BACH2: variants seen among roughly 807,000 people sequenced by gnomAD.
BACH2 encodes the protein BACH transcriptional regulator 2, also known as transcription regulator protein BACH2.
BACH2 carries 5 observed loss-of-function variants against 61.8 expected under a neutral mutation model. The observed-to-expected ratio is 0.08, with a 90% confidence interval of 0.04 to 0.17. BACH2 has a LOEUF of 0.17. Among genes scored for constraint, BACH2 ranks in the 10% least tolerant of loss-of-function variants. The pLI, the probability that BACH2 is intolerant of heterozygous loss-of-function variation, is 1.00. For synonymous variants in BACH2, 446 were observed against 440.1 expected (o/e 1.01, Z -0.17); for missense variants, 824 against 1,091.1 (o/e 0.76, Z 3.45).
intron 4 of BACH2, among the ~76,000 whole-genome samples, chr6:90,204,828 T>C (rs1229108879): frequency 6.6e-6 from 1 of 152,230 alleles, no homozygotes; most frequent in African/African-American, 2.4e-5. Context: ...TACTTTCCAG[T>C]ATTCTAGCAG....
At chr6:90,144,765 T>C (rs77071071) in intron 4 of BACH2, among the ~76,000 whole-genome samples, 11,335 of 152,216 alleles carry the variant, frequency 0.074, 892 homozygotes, top group African/African-American at 0.19. Flanking sequence ...GGAGTTAGGC[T>C]TCCTATTCAC....
At chr6:90,000,826 C>G (rs1301811974) in intron 6 of BACH2, among the ~76,000 whole-genome samples, 1 of 152,188 alleles carries the variant, frequency 6.6e-6, no homozygotes, top group Admixed American at 6.5e-5. Flanking sequence ...TCTGAAAAGT[C>G]AGGGAAAAGT....
rs762366176 is a variant in BACH2, at chr6:89,950,867, C to T, written c.1239G>A (p.Gly413=). 3.1e-6 allele frequency: 5 copies of T among 1,610,830 alleles called. No individual in the cohort carries two copies. Among genetic ancestry groups the T allele is most frequent in the Non-Finnish European group, 4.2e-6 (5 of 1,178,242 alleles). ...SNFTMGSPLR[G]PGLEALCKQE... ...GTTTACAGAGAGCCTCCAACCCAGG[C>T]CCCCTGAGGGGCGACCCCATGGTGA... The change falls in exon 7 of 9, where the codon GGG becomes GGA. Residue 413 remains glycine, a synonymous_variant. Coordinates refer to ENST00000257749, the MANE Select transcript of BACH2 (RefSeq NM_021813.4). This position sits in a 1 kb window ranked among gnomAD's most constrained non-coding sequence, Gnocchi z 5.3.
intron 6 of BACH2, among the ~76,000 whole-genome samples, chr6:89,968,028 G>A (rs1000243305): frequency 4.6e-5 from 7 of 152,144 alleles, no homozygotes; most frequent in Non-Finnish European, 1.0e-4. Flanking sequence ...TCTTGATCCT[G>A]ACTCCTAGCC....
intron 5 of BACH2, among the ~76,000 whole-genome samples, chr6:90,070,713 G>A (rs561402568): frequency 4.6e-5 from 7 of 152,190 alleles, no homozygotes; most frequent in African/African-American, 9.7e-5. Context: ...TCCACTGTGG[G>A]CTAGCTGTAT....
At chr6:90,208,685 C>T (rs947382578) in intron 3 of BACH2, among the ~76,000 whole-genome samples, 3 of 152,188 alleles carry the variant, frequency 2.0e-5, no homozygotes, top group Admixed American at 6.5e-5. Context: ...CCATTTGACT[C>T]AGCAATCCCA....
intron 4 of BACH2, among the ~76,000 whole-genome samples, chr6:90,164,150 C>T (rs1207928075): frequency 1.3e-5 from 2 of 151,910 alleles, no homozygotes; most frequent in Non-Finnish European, 2.9e-5. Context: ...AGATCAACAA[C>T]ATTGATAGAC....
At chr6:90,264,194 C>G (rs146469120) in intron 2 of BACH2, among the ~76,000 whole-genome samples, 1 of 152,088 alleles carries the variant, frequency 6.6e-6, no homozygotes, top group South Asian at 2.1e-4. Flanking sequence ...ACTCTTTTGT[C>G]CTCTGTCTGA....
intron 4 of BACH2, among the ~76,000 whole-genome samples, chr6:90,199,273 C>T (rs1478322662): frequency 6.6e-6 from 1 of 152,124 alleles, no homozygotes; most frequent in Admixed American, 6.5e-5. Context: ...TCTGGTTAGA[C>T]AGAAAGGAGG....
At chr6:89,947,597 G>A (rs988966379) in intron 7 of BACH2, among the ~76,000 whole-genome samples, 5 of 150,468 alleles carry the variant, frequency 3.3e-5, no homozygotes, top group African/African-American at 7.3e-5. Context: ...ACAGAGTCTC[G>A]CTCTGTCACC....
At chr6:89,934,374 A>T (rs1173104245) in intron 8 of BACH2, among the ~76,000 whole-genome samples, 1 of 152,180 alleles carries the variant, frequency 6.6e-6, no homozygotes, top group Non-Finnish European at 1.5e-5. Context: ...ATTTGTGAGA[A>T]GGGGGCTGGG....
At chr6:90,226,745 G>A (rs1769928883) in intron 3 of BACH2, among the ~76,000 whole-genome samples, 6 of 151,870 alleles carry the variant, frequency 4.0e-5, no homozygotes, top group Admixed American at 3.9e-4. Context: ...CCAGGCTGGA[G>A]GGCAATGGTG....
At chr6:90,205,737 T>C (rs1417419127) in intron 4 of BACH2, among the ~76,000 whole-genome samples, 1 of 152,038 alleles carries the variant, frequency 6.6e-6, no homozygotes, top group Non-Finnish European at 1.5e-5. Flanking sequence ...ATTTCCCATC[T>C]AGGATCCTAC....
At chr6:90,110,861 T>C (rs1783136807) in intron 4 of BACH2, among the ~76,000 whole-genome samples, 2 of 152,232 alleles carry the variant, frequency 1.3e-5, no homozygotes, top group South Asian at 2.1e-4. Flanking sequence ...TGGTATACGG[T>C]AGAAGGGCTT....
At chr6:90,012,707 C>T (rs1349490765) in intron 5 of BACH2, among the ~76,000 whole-genome samples, 1 of 151,914 alleles carries the variant, frequency 6.6e-6, no homozygotes, top group East Asian at 1.9e-4. Context: ...CACTCTGTCA[C>T]CCAGATGGAG....
rs150950750 is a variant in BACH2 at position 90,011,750 on chromosome 6, G to A, written c.-12-2894C>T. Among the ~76,000 whole-genome samples the A allele has an allele frequency of 3.4e-3, 518 of 152,014 alleles. 1 individual carries two copies. The highest frequency in any genetic ancestry group is 5.6e-3 in the Non-Finnish European group (378 of 67,962). ...AGCCTGGCCAACACAGCGAAACTGC[G>A]TCTTTACTAAAAATACAAAAATTAG... On this transcript the variant is annotated intron_variant, in intron 5 of 8. Coordinates refer to ENST00000257749, the MANE Select transcript of BACH2 (RefSeq NM_021813.4).
rs141899301 is a variant in BACH2, at chr6:90,068,680, T to C, written c.-13+20281A>G. ...TCTTGGAAGGGAAGAAATTCAGTTT[T>C]CTGACCTAAAAATTAGAAATGACTG... is the stretch of plus-strand genomic sequence containing the variant. On this transcript the variant is annotated intron_variant, in intron 5 of 8. Coordinates refer to ENST00000257749, the MANE Select transcript of BACH2 (RefSeq NM_021813.4). 2.9e-3 allele frequency among the ~76,000 whole-genome samples: 435 copies of C among 152,038 alleles called. 3 individuals carry two copies. Among genetic ancestry groups the C allele is most frequent in the African/African-American group, 0.01 (415 of 41,486 alleles).
At chr6:89,937,654 C>G (rs182913736) in intron 8 of BACH2, among the ~76,000 whole-genome samples, 1 of 152,114 alleles carries the variant, frequency 6.6e-6, no homozygotes, top group Non-Finnish European at 1.5e-5. Flanking sequence ...CTCAGCCTCC[C>G]GAATAGCTGG....
chr6:90,223,881 C>T (rs764748478), intron 3 of BACH2, among the ~76,000 whole-genome samples: 16 of 152,308 alleles, frequency 1.1e-4, no homozygotes, highest in Non-Finnish European at 1.9e-4. Flanking sequence ...ACAGATAACA[C>T]TATCTGAATC....
Sources: gnomAD v4.1 joint callset for allele counts (sites outside exome capture counted in the v4.1 genomes callset) on GRCh38, gnomAD v4.1.1 for gene constraint, Gnocchi (gnomAD v3.1) non-coding constraint, MANE v1.5 for transcripts, NCBI Gene and HGNC (gene_info 2026-07-23, HGNC 2026-07-21) for gene names.